Variants in CRPPA observed in about 807,000 individuals in gnomAD.
CRPPA encodes CDP-L-ribitol pyrophosphorylase A, also known as D-ribitol-5-phosphate cytidylyltransferase.
In CRPPA, 43 loss-of-function variants were observed where a neutral mutation model predicts 52.0. The observed-to-expected ratio is 0.83, with a 90% CI of 0.65 to 1.07. CRPPA has a LOEUF of 1.07. Among genes scored for constraint, CRPPA ranks in the 50% least tolerant of loss-of-function variants. The pLI is 0.00. For missense variants in CRPPA, 629 were observed against 551.7 expected (o/e 1.14, Z -1.40); for synonymous variants, 250 against 203.5 (o/e 1.23, Z -1.94).
At chr7:16,404,348 T>A (rs1342369284) in intron 2 of CRPPA, among the ~76,000 whole-genome samples, 1 of 152,146 alleles carries the variant, frequency 6.6e-6, no homozygotes, top group Non-Finnish European at 1.5e-5. Flanking sequence ...AACAATCTAA[T>A]AGGAACTCCC....
intron 9 of CRPPA, among the ~76,000 whole-genome samples, chr7:16,200,037 T>C (rs1332376361): frequency 1.3e-5 from 2 of 152,022 alleles, no homozygotes; most frequent in Non-Finnish European, 2.9e-5. Context: ...TTTGTGTTTT[T>C]AGTAGAGATG....
intron 9 of CRPPA, among the ~76,000 whole-genome samples, chr7:16,203,860 G>A (rs943722261): frequency 6.6e-6 from 1 of 152,072 alleles, no homozygotes; most frequent in African/African-American, 2.4e-5. Context: ...GACATGCATG[G>A]CTGCATTTTA....
intron 6 of CRPPA, among the ~76,000 whole-genome samples, chr7:16,268,007 T>C (rs1783997826): frequency 1.3e-5 from 2 of 152,096 alleles, no homozygotes; most frequent in South Asian, 2.1e-4. Flanking sequence ...CCATAAATTG[T>C]GGTATTTGTA....
chr7:16,360,568 G>GA (rs1786417430), intron 3 of CRPPA, among the ~76,000 whole-genome samples: 1 of 152,096 alleles, frequency 6.6e-6, no homozygotes, highest in African/African-American at 2.4e-5. Flanking sequence ...GTACAGAAAT[G>GA]AACCCCCACA....
chr7:16,315,302 A>G (rs1785121540), intron 3 of CRPPA, among the ~76,000 whole-genome samples: 1 of 152,100 alleles, frequency 6.6e-6, no homozygotes, highest in Admixed American at 6.6e-5. Context: ...TCCTTGTCAT[A>G]TTAATCATAG....
At chr7:16,176,999 C>T (rs910931313) in intron 9 of CRPPA, among the ~76,000 whole-genome samples, 4 of 152,042 alleles carry the variant, frequency 2.6e-5, no homozygotes, top group Admixed American at 1.3e-4. Flanking sequence ...TACGCAGCAA[C>T]ACAAATTAAG....
chr7:16,308,168 T>A (rs1246346313), intron 4 of CRPPA, among the ~76,000 whole-genome samples: 1 of 152,164 alleles, frequency 6.6e-6, no homozygotes, highest in Non-Finnish European at 1.5e-5. Context: ...ATGCTTCCTA[T>A]GCAGCCTGCA....
chr7:16,134,156 C>T (rs1366747018), intron 9 of CRPPA, among the ~76,000 whole-genome samples: 3 of 125,000 alleles, frequency 2.4e-5, no homozygotes, highest in African/African-American at 7.8e-5. Flanking sequence ...TGGTCTCAAT[C>T]CCCTGACCTC....
At chr7:16,152,616 ATACTT>A (rs1173371617) in intron 9 of CRPPA, among the ~76,000 whole-genome samples, 1 of 152,040 alleles carries the variant, frequency 6.6e-6, no homozygotes, top group Non-Finnish European at 1.5e-5. Context: ...ACAACAGAAA[ATACTT>A]TAATCGCTGT....
chr7:16,307,408 G>A (rs1022908792), intron 4 of CRPPA, among the ~76,000 whole-genome samples: 14 of 152,094 alleles, frequency 9.2e-5, no homozygotes, highest in African/African-American at 3.1e-4. Flanking sequence ...TAGGCCAGGT[G>A]TGGTGGCTCA....
chr7:16,192,805 A>C (rs992674687), intron 9 of CRPPA, among the ~76,000 whole-genome samples: 7 of 152,116 alleles, frequency 4.6e-5, no homozygotes, highest in African/African-American at 1.7e-4. Flanking sequence ...ATTCTATAAC[A>C]ATTTGCTGAA....
chr7:16,344,120 T>A (rs1407556270), intron 3 of CRPPA, among the ~76,000 whole-genome samples: 1 of 152,122 alleles, frequency 6.6e-6, no homozygotes, highest in Admixed American at 6.5e-5. Context: ...GAGATCTGAT[T>A]TTTAAAGTTG....
chr7:16,223,578 A>G (rs533803839), intron 8 of CRPPA, among the ~76,000 whole-genome samples: 1 of 152,302 alleles, frequency 6.6e-6, no homozygotes, highest in African/African-American at 2.4e-5. Context: ...TAATACCATG[A>G]AACTTAAGCA....
intron 9 of CRPPA, among the ~76,000 whole-genome samples, chr7:16,110,641 T>C (rs1782241493): frequency 6.6e-6 from 1 of 151,968 alleles, no homozygotes; most frequent in Admixed American, 6.6e-5. Flanking sequence ...AAGGAATACA[T>C]GCATATACAG....
At chr7:16,154,303 G>A (rs1327174911) in intron 9 of CRPPA, among the ~76,000 whole-genome samples, 2 of 151,970 alleles carry the variant, frequency 1.3e-5, no homozygotes, top group Non-Finnish European at 2.9e-5. Flanking sequence ...GTGCCACGGT[G>A]GTTTGCTGCA....
intron 9 of CRPPA, among the ~76,000 whole-genome samples, chr7:16,128,735 T>G (rs111467753): frequency 6.6e-6 from 1 of 152,116 alleles, no homozygotes; most frequent in Non-Finnish European, 1.5e-5. Flanking sequence ...ACCACTTCAG[T>G]AGAATTCTGT....
At chr7:16,284,560 T>G (rs41362051) in intron 5 of CRPPA, among the ~76,000 whole-genome samples, 1 of 151,984 alleles carries the variant, frequency 6.6e-6, no homozygotes, top group African/African-American at 2.4e-5. Context: ...CAGGGTTTGG[T>G]AAACAATCCA....
intron 9 of CRPPA, among the ~76,000 whole-genome samples, chr7:16,208,209 CT>C (rs1355053491): frequency 6.6e-6 from 1 of 152,052 alleles, no homozygotes; most frequent in Non-Finnish European, 1.5e-5. Context: ...AAAATAATTC[CT>C]TTTGTTATGA....
At chr7:16,301,788 G>A (rs1252178212) in intron 4 of CRPPA, among the ~76,000 whole-genome samples, 2 of 151,976 alleles carry the variant, frequency 1.3e-5, no homozygotes, top group Non-Finnish European at 2.9e-5. Flanking sequence ...ATAAAAACGA[G>A]GTTTTATACT....
Sources: allele counts gnomAD v4.1 joint callset (sites outside exome capture counted in the v4.1 genomes callset), GRCh38; gene constraint gnomAD v4.1.1; transcripts MANE v1.5; gene names NCBI Gene and HGNC (gene_info 2026-07-23, HGNC 2026-07-21).